The following SLC35D1 variants were observed in gnomAD, a reference collection of about 807,000 sequenced individuals.
SLC35D1 encodes the protein solute carrier family 35 member D1, also known as nucleotide sugar transporter SLC35D1.
Under a neutral mutation model 46.7 loss-of-function variants are expected in SLC35D1, and 31 were observed. The observed-to-expected ratio is 0.66, with a 90% CI of 0.50 to 0.90. The LOEUF (loss-of-function observed/expected upper bound fraction) is 0.90, where lower values mean the gene tolerates loss of function less well. SLC35D1 is among the 40% of genes least tolerant of loss of function. SLC35D1 has a pLI of 0.00. For synonymous variants in SLC35D1, 195 were observed against 164.6 expected, an observed-to-expected ratio of 1.18 and a Z score of -1.41; for missense variants, 397 against 426.2, an observed-to-expected ratio of 0.93 and a Z score of 0.60.
At chr1:66,986,062 G>A in the SLC35D1 span, 87 of 1,019,876 alleles carry the variant, frequency 8.5e-5, no homozygotes, top group Non-Finnish European at 1.0e-4. Context: ...AGAGGAGGGG[G>A]GTCAAGTGAT....
chr1:67,020,274 G>A lies in SLC35D1; in HGVS notation c.876+95C>T, dbSNP rs905570596. On this transcript the variant is annotated intron_variant, in intron 10 of 11. Coordinates refer to ENST00000235345, the MANE Select transcript of SLC35D1 (RefSeq NM_015139.3). ...CTAAGACAGTATGTGAGGAAATAAC[G>A]ATTTGGGTCTTAAGGCCATCAACAG... 8 of 798,368 alleles carry A rather than the reference G, an allele frequency of 1.0e-5. No individual in the cohort carries two copies. The African/African-American group carries it at 1.2e-4, about 12-fold the overall frequency. 49.5% of individuals were successfully genotyped at this position (798,368 alleles called of 1,614,324 possible). A position where few individuals can be genotyped will look rare whatever the true frequency, so the allele number is the denominator to read the frequency against.
intron 7 of SLC35D1, 66 bp from the exon 8 acceptor site, chr1:67,042,394 A>G: frequency 7.8e-7 from 1 of 1,284,720 alleles, no homozygotes; most frequent in South Asian, 1.2e-5. Flanking sequence ...ACTGTACAAA[A>G]TACCACTCAA....
the SLC35D1 span, among the ~76,000 whole-genome samples, chr1:66,988,961 C>T: frequency 2.0e-5 from 3 of 152,246 alleles, no homozygotes; most frequent in South Asian, 4.1e-4. Flanking sequence ...GGAATAGGCA[C>T]GATCTCAAGA....
At chr1:67,020,711 T>G (rs115267525) in intron 9 of SLC35D1, among the ~76,000 whole-genome samples, 2 of 152,186 alleles carry the variant, frequency 1.3e-5, no homozygotes, top group Non-Finnish European at 2.9e-5. Context: ...ACTATTTTTA[T>G]AGATCATGCT....
At chr1:67,050,316 T>C in intron 5 of SLC35D1, 117 bp downstream of exon 5, 1 of 739,278 alleles carries the variant, frequency 1.4e-6, no homozygotes, top group Non-Finnish European at 2.3e-6. Flanking sequence ...AGAGAGAGGG[T>C]TGCTTAAACT....
At chr1:67,050,027 TAA>T (rs973314452) in intron 5 of SLC35D1, among the ~76,000 whole-genome samples, 177 bp from the exon 6 acceptor site, 2 of 152,260 alleles carry the variant, frequency 1.3e-5, no homozygotes, top group East Asian at 3.8e-4. Context: ...TATTGTTATA[TAA>T]GTTATTACAC....
rs1645288023 is a variant in SLC35D1 at position 67,049,784 on chromosome 1, G to C, written c.531C>G (p.Ala177=). The stretch of plus-strand genomic sequence containing the variant: ...CTAGTCATAGGCCCACATCTTACCT[G>C]GCAGCTACAAAGGCTCCAATAATCA... ...FAMIIGAFVA[A]SSDLAFDLEG... Residue 177 remains alanine, a splice_region_variant and synonymous_variant, in exon 6 of 12, where the codon GCC becomes GCG. Transcript: ENST00000235345. 1.2e-6 allele frequency: 2 copies of C among 1,613,126 alleles called. No homozygotes were observed. Among genetic ancestry groups the C allele is most frequent in the East Asian group, 4.5e-5 (2 of 44,802 alleles).
the SLC35D1 span, chr1:66,976,723 G>T: frequency 6.3e-7 from 1 of 1,575,160 alleles, no homozygotes; most frequent in Non-Finnish European, 8.6e-7. Context: ...CTGGTGTAAC[G>T]TGAGTTAATT....
chr1:67,049,061 A>G (rs1298001730), intron 6 of SLC35D1, among the ~76,000 whole-genome samples: 3 of 152,120 alleles, frequency 2.0e-5, no homozygotes. Flanking sequence ...TTGGGAGGCC[A>G]AGGCAGGCGG....
chr1:66,992,083 C>T, the SLC35D1 span, among the ~76,000 whole-genome samples: 272 of 152,232 alleles, frequency 1.8e-3, 2 homozygotes, highest in African/African-American at 6.0e-3. Context: ...TTGTGACTAG[C>T]GGTATTTCAA....
chr1:67,031,182 T>A (rs1437070982), intron 8 of SLC35D1, among the ~76,000 whole-genome samples: 3 of 152,120 alleles, frequency 2.0e-5, no homozygotes, highest in African/African-American at 7.2e-5. Flanking sequence ...GAAAAATAAT[T>A]CTCATGGGAC....
chr1:66,989,630 A>G, the SLC35D1 span, among the ~76,000 whole-genome samples: 1 of 151,832 alleles, frequency 6.6e-6, no homozygotes, highest in African/African-American at 2.4e-5. Context: ...TGCTCAGCTA[A>G]TTTTTTTTAT....
chr1:67,048,533 T>G (rs1043295597), intron 6 of SLC35D1, among the ~76,000 whole-genome samples: 1 of 152,244 alleles, frequency 6.6e-6, no homozygotes, highest in African/African-American at 2.4e-5. Flanking sequence ...TTTTTTAGAA[T>G]GAAATTTTAC....
At chr1:66,977,238 T>A in the SLC35D1 span, among the ~76,000 whole-genome samples, 2 of 151,850 alleles carry the variant, frequency 1.3e-5, no homozygotes, top group African/African-American at 4.8e-5. Context: ...GCCTCCCGAG[T>A]AGCTGGGATT....
chr1:66,973,503 T>C, the SLC35D1 span, among the ~76,000 whole-genome samples: 3 of 152,050 alleles, frequency 2.0e-5, no homozygotes, highest in Non-Finnish European at 2.9e-5. Flanking sequence ...TATATTCTTA[T>C]AGTTATAATT....
chr1:66,992,385 G>C, the SLC35D1 span, among the ~76,000 whole-genome samples: 36 of 152,286 alleles, frequency 2.4e-4, no homozygotes, highest in East Asian at 6.9e-3. Context: ...TGCACACTCT[G>C]AGCCTTCTGC....
At chr1:67,018,361 G>A (rs929292658) in intron 10 of SLC35D1, among the ~76,000 whole-genome samples, 2 of 152,196 alleles carry the variant, frequency 1.3e-5, no homozygotes, top group Non-Finnish European at 2.9e-5. Context: ...CTTCAGAAAT[G>A]AAGGTGACAG....
intron 11 of SLC35D1, among the ~76,000 whole-genome samples, chr1:67,007,762 G>T (rs762728525): frequency 2.6e-5 from 4 of 152,120 alleles, no homozygotes; most frequent in Non-Finnish European, 5.9e-5. Context: ...AAGGGAAAAT[G>T]AGGAAAAGCC....
downstream of SLC35D1, among the ~76,000 whole-genome samples, chr1:66,994,888 G>C (rs1258097628): frequency 2.1e-5 from 3 of 145,968 alleles, no homozygotes; most frequent in African/African-American, 7.6e-5. Flanking sequence ...AAGTTAAAAT[G>C]GTCTCCTGAA....
Sources: allele counts gnomAD v4.1 joint callset (sites outside exome capture counted in the v4.1 genomes callset), GRCh38; gene constraint gnomAD v4.1.1; transcripts MANE v1.5; gene names NCBI Gene and HGNC (gene_info 2026-07-23, HGNC 2026-07-21).